Variants in CTCF observed in about 807,000 individuals in gnomAD.
CTCF encodes the protein transcriptional repressor CTCF.
Under a neutral mutation model 72.3 loss-of-function variants are expected in CTCF, and 7 were observed. The ratio of observed to expected loss-of-function variants is 0.10; its 90% CI spans 0.06 to 0.18. The LOEUF is 0.18. Ranked by LOEUF, CTCF falls within the 10% of genes least tolerant of loss-of-function variation. The probability of loss-of-function intolerance (pLI) is 1.00; values close to 1 mark genes in which losing one functional copy is unlikely to be tolerated. For synonymous variants in CTCF, 374 were observed against 315.8 expected, an observed-to-expected ratio of 1.18 and a Z score of -1.95; for missense variants, 516 against 949.1, an observed-to-expected ratio of 0.54 and a Z score of 6.00.
chr16:67,636,063 C>G (rs2052423801), intron 10 of CTCF, among the ~76,000 whole-genome samples: 1 of 152,148 alleles, frequency 6.6e-6, no homozygotes, highest in Non-Finnish European at 1.5e-5. Flanking sequence ...GAAACCCCAT[C>G]TCTACAAAAA....
At chr16:67,578,278 C>T (rs2051529276) in intron 2 of CTCF, among the ~76,000 whole-genome samples, 1 of 150,932 alleles carries the variant, frequency 6.6e-6, no homozygotes, top group African/African-American at 2.4e-5. Flanking sequence ...CTGATGTATC[C>T]ATCCAAAGAA....
chr16:67,589,830 T>TA (rs1488714873), intron 2 of CTCF, among the ~76,000 whole-genome samples: 1 of 152,166 alleles, frequency 6.6e-6, no homozygotes, highest in Non-Finnish European at 1.5e-5. Context: ...CTCACACCTG[T>TA]AATACCGGCA....
At chr16:67,565,031 C>G (rs183390994) in intron 1 of CTCF, among the ~76,000 whole-genome samples, 17 of 150,828 alleles carry the variant, frequency 1.1e-4, no homozygotes, top group Non-Finnish European at 1.9e-4. Flanking sequence ...GACGGAGTCT[C>G]GTTCTGTCCC....
chr16:67,619,387 A>G (rs1453910563), intron 5 of CTCF, among the ~76,000 whole-genome samples: 1 of 152,138 alleles, frequency 6.6e-6, no homozygotes, highest in Non-Finnish European at 1.5e-5. Flanking sequence ...AGTGACCCAC[A>G]ATCGTGACAG....
Position 67,601,251 on chromosome 16 carries a change from TG to T in CTCF, c.-9-9572del, listed in dbSNP as rs1327341804. ...GTGTGTGTGTGTGTGTGTGTGTGTG[TG>T]TGTTTTGTTTTGTTTTTTAAGACAG... On this transcript the variant is annotated intron_variant, in intron 2 of 11. Coordinates refer to ENST00000264010, the MANE Select transcript of CTCF (RefSeq NM_006565.4). Among the ~76,000 whole-genome samples, 26 of 142,800 alleles carry T rather than the reference TG, an allele frequency of 1.8e-4. No homozygotes were observed. In the South Asian group the frequency reaches 2.7e-3, roughly 15 times the overall value. 93.7% of individuals were successfully genotyped at this position (142,800 alleles called of 152,430 possible). A position where few individuals can be genotyped will look rare whatever the true frequency, so the allele number is the denominator to read the frequency against.
intron 2 of CTCF, among the ~76,000 whole-genome samples, chr16:67,579,192 T>C (rs951860827): frequency 2.7e-5 from 4 of 150,512 alleles, no homozygotes; most frequent in African/African-American, 9.8e-5. Flanking sequence ...GAGGTGGAGG[T>C]TGCAGTGAGC....
intron 5 of CTCF, 116 bp from the exon 6 acceptor site, chr16:67,620,581 G>A: frequency 2.6e-6 from 2 of 756,400 alleles, no homozygotes; most frequent in Non-Finnish European, 4.1e-6. Flanking sequence ...TTATCTTTTA[G>A]ACTTCTGTAT....
At chr16:67,623,528 A>ACCTTGGTT (rs2052233022) in intron 7 of CTCF, 1 of 151,980 alleles carries the variant, frequency 6.6e-6, no homozygotes, top group Non-Finnish European at 1.5e-5. Context: ...CCAGCTACTC[A>ACCTTGGTT]GGAGGCTGTG....
intron 5 of CTCF, among the ~76,000 whole-genome samples, chr16:67,620,233 C>T (rs531446234): frequency 2.0e-5 from 3 of 152,114 alleles, no homozygotes; most frequent in Non-Finnish European, 2.9e-5. Context: ...GACAGAGTTT[C>T]GCCCTTGTCC....
At chr16:67,621,410 A>G (rs966114338) in intron 6 of CTCF, 32 bp from the exon 7 acceptor site, 1 of 1,496,810 alleles carries the variant, frequency 6.7e-7, no homozygotes, top group African/African-American at 1.4e-5. Context: ...TATTCATTTC[A>G]TTTATGTGTT....
chr16:67,584,307 C>T lies in CTCF; in HGVS notation c.-10+13043C>T, dbSNP rs185994133. 3.4e-3 allele frequency among the ~76,000 whole-genome samples: 489 copies of T among 143,974 alleles called. 5 individuals carry two copies. Among genetic ancestry groups the T allele is most frequent in the Middle Eastern group, 0.022 (6 of 276 alleles). 94.5% of individuals were successfully genotyped at this position (143,974 alleles called of 152,430 possible). ...ATTGCGCTCCAGCCTGGATGACGAA[C>T]GGAACTCCTTCTCAAAAAAAAAAAG... On this transcript the variant is annotated intron_variant, in intron 2 of 11. Coordinates refer to ENST00000264010, the MANE Select transcript of CTCF (RefSeq NM_006565.4).
Position 67,611,033 on chromosome 16 carries a change from C to T in CTCF, c.201C>T (p.Asp67=), listed in dbSNP as rs759343386. The T allele has an allele frequency of 5.6e-6, 9 of 1,614,006 alleles. 1 individual carries two copies. In the Middle Eastern group the frequency reaches 4.9e-4, roughly 88 times the overall value. The stretch of plus-strand genomic sequence containing the variant: ...AGATGGTGATGATGGAACAGCTGGA[C>T]CCCACCCTTCTTCAGATGAAGACTG... ...SVQMVMMEQL[D]PTLLQMKTEV... The change falls in exon 3 of 12, where the codon GAC becomes GAT. Residue 67 remains aspartate, a synonymous_variant. Coordinates refer to ENST00000264010, the MANE Select transcript of CTCF (RefSeq NM_006565.4).
chr16:67,583,037 T>C (rs920862066), intron 2 of CTCF, among the ~76,000 whole-genome samples: 2 of 149,580 alleles, frequency 1.3e-5, no homozygotes, highest in Non-Finnish European at 3.0e-5. Context: ...CTGGATGGAG[T>C]GCAGTGGTGC....
chr16:67,607,561 C>A (rs1038981679), intron 2 of CTCF, among the ~76,000 whole-genome samples: 1 of 151,988 alleles, frequency 6.6e-6, no homozygotes, highest in African/African-American at 2.4e-5. Context: ...CAGCCTTGGC[C>A]TCCCAAAGTG....
At chr16:67,579,359 GT>G (rs992218727) in intron 2 of CTCF, among the ~76,000 whole-genome samples, 10 of 146,202 alleles carry the variant, frequency 6.8e-5, no homozygotes, top group Admixed American at 1.4e-4. Context: ...GTTTTTTTTT[GT>G]TTTTTTTTTA....
chr16:67,574,863 C>G (rs2051473971), intron 2 of CTCF, among the ~76,000 whole-genome samples: 1 of 150,304 alleles, frequency 6.7e-6, no homozygotes, highest in Non-Finnish European at 1.5e-5. Flanking sequence ...TTCACCTTGT[C>G]AGCCAGGATG....
intron 2 of CTCF, among the ~76,000 whole-genome samples, chr16:67,602,701 T>C (rs899076471): frequency 2.6e-5 from 4 of 151,596 alleles, no homozygotes; most frequent in African/African-American, 9.7e-5. Flanking sequence ...ATTAGCCAGG[T>C]GTGGTGGCGC....
chr16:67,631,860 C>G (rs1242573709), intron 10 of CTCF, among the ~76,000 whole-genome samples: 2 of 151,678 alleles, frequency 1.3e-5, no homozygotes, highest in Non-Finnish European at 2.9e-5. Context: ...ATCACCTTAG[C>G]TCAGGAGTTC....
chr16:67,620,308 C>G (rs1257108312), intron 5 of CTCF, among the ~76,000 whole-genome samples: 1 of 152,114 alleles, frequency 6.6e-6, no homozygotes, highest in Non-Finnish European at 1.5e-5. Flanking sequence ...TCAAGAGATT[C>G]TCCAGCCTCA....
Sources: allele counts gnomAD v4.1 joint callset (sites outside exome capture counted in the v4.1 genomes callset), GRCh38; gene constraint gnomAD v4.1.1; transcripts MANE v1.5; gene names NCBI Gene and HGNC (gene_info 2026-07-23, HGNC 2026-07-21).